NSMAF: variants seen among roughly 807,000 people sequenced by gnomAD.
NSMAF encodes neutral sphingomyelinase activation associated factor.
NSMAF carries 90 observed loss-of-function variants against 134.9 expected under a neutral mutation model. The ratio of observed to expected loss-of-function variants is 0.67; its 90% CI spans 0.56 to 0.79. The LOEUF is 0.79. Ranked by LOEUF, NSMAF falls within the 30% of genes least tolerant of loss-of-function variation. The pLI is 0.00. For missense variants in NSMAF, 1,010 were observed against 1,119.0 expected, an observed-to-expected ratio of 0.90 and a Z score of 1.39; for synonymous variants, 358 against 389.6, an observed-to-expected ratio of 0.92 and a Z score of 0.96.
rs34638032 is a variant in NSMAF, at chr8:58,637,017, T to TAC, written c.150-1473_150-1472dup. Among the ~76,000 whole-genome samples, 603 of 146,998 alleles carry TAC rather than the reference T, an allele frequency of 4.1e-3. 4 individuals are homozygous for TAC. The highest frequency in any genetic ancestry group is 0.017 in the South Asian group (80 of 4,734). ...CTTCGAGGATAACTGATTAAGATTA[T>TAC]ACACACACACACACACACACACACC... On this transcript the variant is annotated intron_variant, in intron 2 of 30. Coordinates refer to ENST00000038176, the MANE Select transcript of NSMAF (RefSeq NM_003580.4).
chr8:58,638,874 GA>G (rs1480521619), intron 2 of NSMAF, among the ~76,000 whole-genome samples: 1 of 152,180 alleles, frequency 6.6e-6, no homozygotes, highest in Non-Finnish European at 1.5e-5. Context: ...CCATACTTCT[GA>G]TAAGGGGCTA....
intron 1 of NSMAF, among the ~76,000 whole-genome samples, chr8:58,648,078 G>A (rs1248669915): frequency 1.3e-5 from 2 of 152,144 alleles, no homozygotes; most frequent in African/African-American, 2.4e-5. Flanking sequence ...AGGCTGACAC[G>A]GTCTCAGATG....
At chr8:58,622,845 A>G (rs1264965239) in intron 9 of NSMAF, among the ~76,000 whole-genome samples, 2 of 152,176 alleles carry the variant, frequency 1.3e-5, no homozygotes, top group Non-Finnish European at 2.9e-5. Context: ...TAGAAAGAAC[A>G]TATTTTAAAA....
intron 6 of NSMAF, among the ~76,000 whole-genome samples, chr8:58,625,413 T>TGTATGTATGTATGTAA (rs1806905323): frequency 6.6e-6 from 1 of 152,204 alleles, no homozygotes; most frequent in African/African-American, 2.4e-5. Flanking sequence ...TATGTATGTA[T>TGTATGTATGTATGTAA]GTATATATAT....
chr8:58,659,340 C>T (rs1388931988), intron 1 of NSMAF: 14 of 1,527,300 alleles, frequency 9.2e-6, no homozygotes, highest in African/African-American at 8.5e-5. Flanking sequence ...CTGGCCTGGC[C>T]CGTCATCCAG....
intron 18 of NSMAF, 76 bp downstream of exon 18, chr8:58,599,674 G>T: frequency 1.4e-6 from 2 of 1,481,452 alleles, no homozygotes; most frequent in Non-Finnish European, 1.8e-6. Flanking sequence ...AAAAATCTAA[G>T]CAATAAAATA....
At chr8:58,627,133 C>T (rs964308767) in intron 6 of NSMAF, among the ~76,000 whole-genome samples, 26 of 152,144 alleles carry the variant, frequency 1.7e-4, no homozygotes, top group African/African-American at 2.4e-4. Context: ...GTGTGGTTTG[C>T]GAAAATTTTC....
intron 2 of NSMAF, chr8:58,639,881 A>G (rs998125456): frequency 3.3e-6 from 1 of 299,726 alleles, no homozygotes; most frequent in African/African-American, 2.2e-5. Context: ...AAGTAAAATA[A>G]GCCAGCCACA....
At chr8:58,653,215 T>C (rs1371746666) in intron 1 of NSMAF, among the ~76,000 whole-genome samples, 7 of 152,054 alleles carry the variant, frequency 4.6e-5, no homozygotes, top group Non-Finnish European at 8.8e-5. Flanking sequence ...AAATAAAATA[T>C]ATAACTTCCA....
intron 16 of NSMAF, among the ~76,000 whole-genome samples, chr8:58,600,397 G>A (rs963754615): frequency 2.6e-5 from 4 of 152,006 alleles, no homozygotes; most frequent in African/African-American, 9.7e-5. Context: ...GGCCAAGGCG[G>A]GTGGATCACG....
At chr8:58,628,220 T>C (rs185591594) in intron 6 of NSMAF, among the ~76,000 whole-genome samples, 77 of 152,300 alleles carry the variant, frequency 5.1e-4, no homozygotes, top group Middle Eastern at 3.4e-3. Context: ...TCTCTTACTT[T>C]ATACAAAAAT....
At chr8:58,653,290 G>A (rs891070242) in intron 1 of NSMAF, among the ~76,000 whole-genome samples, 3 of 152,082 alleles carry the variant, frequency 2.0e-5, no homozygotes, top group African/African-American at 7.2e-5. Context: ...AGAAGGGAAG[G>A]AAGGCAAAAT....
intron 18 of NSMAF, 36 bp from the exon 19 acceptor site, chr8:58,599,399 C>G (rs751177449): frequency 1.1e-5 from 18 of 1,604,016 alleles, no homozygotes; most frequent in Non-Finnish European, 1.5e-5. Flanking sequence ...ATCATGGAGT[C>G]TTCATTTTTT....
At chr8:58,590,367 T>TGG (rs1284906748) in intron 24 of NSMAF, among the ~76,000 whole-genome samples, 1 of 152,120 alleles carries the variant, frequency 6.6e-6, no homozygotes, top group Non-Finnish European at 1.5e-5. Flanking sequence ...AATCTCCAGT[T>TGG]GGGGGCAGAC....
intron 9 of NSMAF, among the ~76,000 whole-genome samples, chr8:58,617,135 G>A (rs1806675855): frequency 6.6e-6 from 1 of 151,918 alleles, no homozygotes; most frequent in African/African-American, 2.4e-5. Context: ...AGACTTTTGG[G>A]GTAGAAAAGG....
At chr8:58,589,755 A>G in intron 25 of NSMAF, 180 bp from the exon 26 acceptor site, 1 of 714,756 alleles carries the variant, frequency 1.4e-6, no homozygotes. Flanking sequence ...AAAATTAGAA[A>G]TTTCCATGTC....
intron 10 of NSMAF, among the ~76,000 whole-genome samples, chr8:58,608,929 A>G (rs1806465241): frequency 6.6e-6 from 1 of 152,228 alleles, no homozygotes; most frequent in African/African-American, 2.4e-5. Context: ...TGTTCTTTTA[A>G]TGGATCATGC....
chr8:58,613,734 A>G (rs1806587476), intron 9 of NSMAF, among the ~76,000 whole-genome samples: 1 of 152,182 alleles, frequency 6.6e-6, no homozygotes, highest in African/African-American at 2.4e-5. Flanking sequence ...ATAATTGCCT[A>G]TAGCATTTAG....
At chr8:58,649,278 A>G (rs1807529086) in intron 1 of NSMAF, among the ~76,000 whole-genome samples, 1 of 152,216 alleles carries the variant, frequency 6.6e-6, no homozygotes, top group Non-Finnish European at 1.5e-5. Flanking sequence ...TCTCTTTTGA[A>G]TGGGAATGTT....
Sources: gnomAD v4.1 joint callset for allele counts (sites outside exome capture counted in the v4.1 genomes callset) on GRCh38, gnomAD v4.1.1 for gene constraint, MANE v1.5 for transcripts, NCBI Gene and HGNC (gene_info 2026-07-23, HGNC 2026-07-21) for gene names.